MVB12B: variants seen among roughly 807,000 people sequenced by gnomAD.
MVB12B encodes multivesicular body subunit 12B.
Under a neutral mutation model 41.6 loss-of-function variants are expected in MVB12B, and 16 were observed. The observed-to-expected ratio is 0.38, with a 90% confidence interval of 0.26 to 0.58. The LOEUF (loss-of-function observed/expected upper bound fraction) is 0.58, where lower values mean the gene tolerates loss of function less well. Ranked by LOEUF, MVB12B falls within the 20% of genes least tolerant of loss-of-function variation. MVB12B has a pLI of 0.62. For synonymous variants in MVB12B, 133 were observed against 139.7 expected (o/e 0.95, Z 0.34); for missense variants, 274 against 380.2 (o/e 0.72, Z 2.32).
chr9:126,398,599 A>C (rs1454651412), intron 6 of MVB12B, among the ~76,000 whole-genome samples: 2 of 152,106 alleles, frequency 1.3e-5, no homozygotes, highest in Admixed American at 6.5e-5. Context: ...AAACCTGAGA[A>C]CCACGTCCAG....
At chr9:126,330,036 G>A (rs1305328467) in intron 1 of MVB12B, among the ~76,000 whole-genome samples, 7 of 151,712 alleles carry the variant, frequency 4.6e-5, no homozygotes, top group Non-Finnish European at 1.0e-4. Flanking sequence ...CAGGTCTCCT[G>A]TCTCCGGCTG....
intron 7 of MVB12B, among the ~76,000 whole-genome samples, chr9:126,451,545 G>A (rs942450314): frequency 6.6e-6 from 1 of 152,152 alleles, no homozygotes; most frequent in Non-Finnish European, 1.5e-5. Context: ...TTCAAGCCCA[G>A]GGGAATGGTC....
intron 7 of MVB12B, among the ~76,000 whole-genome samples, chr9:126,462,652 C>T (rs1264990121): frequency 6.6e-6 from 1 of 152,204 alleles, no homozygotes; most frequent in African/African-American, 2.4e-5. Flanking sequence ...AGTTCATCAG[C>T]TGCAGAAATT....
intron 7 of MVB12B, among the ~76,000 whole-genome samples, chr9:126,442,520 C>T: frequency 6.6e-6 from 1 of 152,174 alleles, no homozygotes; most frequent in Non-Finnish European, 1.5e-5. Context: ...ATCACAATGG[C>T]TTACAGTTTC....
At chr9:126,375,742 C>T (rs887427964) in intron 2 of MVB12B, among the ~76,000 whole-genome samples, 6 of 152,214 alleles carry the variant, frequency 3.9e-5, no homozygotes, top group African/African-American at 1.4e-4. Flanking sequence ...TTATTCTACC[C>T]TCACACTTAA....
intron 9 of MVB12B, among the ~76,000 whole-genome samples, chr9:126,485,884 C>T (rs1052826680): frequency 3.9e-5 from 6 of 152,174 alleles, no homozygotes; most frequent in Middle Eastern, 6.8e-3. Context: ...TTCTGTAGAG[C>T]GGGTGGTTAA....
chr9:126,366,755 C>T (rs1200795009), intron 2 of MVB12B, among the ~76,000 whole-genome samples: 1 of 152,184 alleles, frequency 6.6e-6, no homozygotes, highest in Non-Finnish European at 1.5e-5. Context: ...CACCCAGCCT[C>T]CTGCACTGAG....
At chr9:126,379,302 G>T (rs1301318368) in intron 2 of MVB12B, among the ~76,000 whole-genome samples, 1 of 152,220 alleles carries the variant, frequency 6.6e-6, no homozygotes, top group Non-Finnish European at 1.5e-5. Context: ...TTCCCCAAAT[G>T]ACTGCATCCT....
intron 2 of MVB12B, among the ~76,000 whole-genome samples, chr9:126,369,640 G>A (rs545652430): frequency 1.3e-5 from 2 of 151,932 alleles, no homozygotes; most frequent in East Asian, 3.9e-4. Context: ...TATTTTTCAC[G>A]TGGGTTTTTT....
At chr9:126,390,116 C>G (rs972884743) in intron 4 of MVB12B, among the ~76,000 whole-genome samples, 11 of 152,206 alleles carry the variant, frequency 7.2e-5, no homozygotes, top group African/African-American at 2.7e-4. Context: ...GTCTTACTTC[C>G]TGCCACAGAA....
In MVB12B at chr9:126,392,338, C is replaced by T. The variant is rs562769063; in HGVS notation, c.539+143C>T. 4.2e-6 allele frequency: 4 copies of T among 961,976 alleles called. No individual in the cohort carries two copies. The South Asian group carries it at 4.8e-5, about 12-fold the overall frequency. The allele number at this position is 961,976 out of a possible 1,614,324, so 59.6% of individuals were successfully genotyped here. On this transcript the variant is annotated intron_variant, in intron 5 of 9. Transcript: ENST00000361171. The surrounding 1 kb of genome is among the most constrained non-coding windows in gnomAD (Gnocchi z 4.8). Reference sequence around the variant, plus strand: ...TCTGTCAGCCCAGTGCTCCTCGCTGCCCTTCCTGCTCAGCTGCGGTCTCTC... The same window carrying T: ...TCTGTCAGCCCAGTGCTCCTCGCTGTCCTTCCTGCTCAGCTGCGGTCTCTC...
Position 126,376,707 on chromosome 9 carries a change from C to T in MVB12B, c.205-4357C>T. ...GGTTACTCAATTACCCTCGTTTCCA[C>T]TCTGAAGTTGCACCTCCTCCCCCAC... On this transcript the variant is annotated intron_variant, in intron 2 of 9. Transcript: ENST00000361171. The surrounding 1 kb of genome is among the most constrained non-coding windows in gnomAD (Gnocchi z 4.1). 1 of 1,260,562 alleles carries T rather than the reference C, an allele frequency of 7.9e-7. No individual in the cohort carries two copies. Among genetic ancestry groups the T allele is most frequent in the Non-Finnish European group, 1.0e-6 (1 of 971,094 alleles). 78.1% of individuals were successfully genotyped at this position (1,260,562 alleles called of 1,614,324 possible).
At chr9:126,479,922 G>GT (rs1057272899) in intron 7 of MVB12B, among the ~76,000 whole-genome samples, 1 of 152,138 alleles carries the variant, frequency 6.6e-6, no homozygotes, top group Non-Finnish European at 1.5e-5. Context: ...TCCGTTCCAG[G>GT]TTTTTTCTTC....
chr9:126,390,740 C>T (rs1177244478), intron 4 of MVB12B, among the ~76,000 whole-genome samples: 2 of 152,148 alleles, frequency 1.3e-5, no homozygotes, highest in Admixed American at 1.3e-4. Flanking sequence ...GAGGGTGGAT[C>T]ACGAGGTCAG....
intron 7 of MVB12B, among the ~76,000 whole-genome samples, chr9:126,451,495 C>T (rs568390932): frequency 1.3e-5 from 2 of 152,224 alleles, no homozygotes; most frequent in African/African-American, 2.4e-5. Context: ...TGAGCAGGAA[C>T]CCTGGAGACC....
chr9:126,413,744 G>A (rs966939121), intron 6 of MVB12B, among the ~76,000 whole-genome samples: 3 of 151,996 alleles, frequency 2.0e-5, no homozygotes, highest in African/African-American at 7.3e-5. Flanking sequence ...GGAAAAGTCT[G>A]AAGTCACCAT....
intron 9 of MVB12B, among the ~76,000 whole-genome samples, chr9:126,489,575 C>A (rs1477851663): frequency 2.0e-5 from 3 of 152,232 alleles, no homozygotes; most frequent in South Asian, 2.1e-4. Flanking sequence ...AAACCTCTCA[C>A]GATTCAGACA....
intron 7 of MVB12B, among the ~76,000 whole-genome samples, chr9:126,422,453 A>C (rs1335409500): frequency 6.6e-6 from 1 of 152,228 alleles, no homozygotes; most frequent in Non-Finnish European, 1.5e-5. Flanking sequence ...TTACCTTGGC[A>C]GGAACTTCAT....
chr9:126,435,762 G>A (rs534506280), intron 7 of MVB12B, among the ~76,000 whole-genome samples: 9 of 151,948 alleles, frequency 5.9e-5, no homozygotes, highest in African/African-American at 1.9e-4. Context: ...CTGCCAGGCC[G>A]GCGGCACCCA....
Sources: allele counts gnomAD v4.1 joint callset (sites outside exome capture counted in the v4.1 genomes callset), GRCh38; gene constraint gnomAD v4.1.1; non-coding constraint Gnocchi (gnomAD v3.1); transcripts MANE v1.5; gene names NCBI Gene and HGNC (gene_info 2026-07-23, HGNC 2026-07-21).